Variants in SEMA3E observed in about 807,000 individuals in gnomAD.
SEMA3E encodes the protein semaphorin-3E.
In SEMA3E, 49 loss-of-function variants were observed where a neutral mutation model predicts 93.6. That is an observed-to-expected ratio of 0.52 (90% CI 0.42 to 0.66). SEMA3E has a LOEUF of 0.66. Among genes scored for constraint, SEMA3E ranks in the 30% least tolerant of loss-of-function variants. The pLI, the probability that SEMA3E is intolerant of heterozygous loss-of-function variation, is 0.00. For synonymous variants in SEMA3E, 363 were observed against 330.7 expected, an observed-to-expected ratio of 1.10 and a Z score of -1.06; for missense variants, 906 against 964.8, an observed-to-expected ratio of 0.94 and a Z score of 0.81.
At chr7:83,624,583 C>G (rs1220874958) in intron 1 of SEMA3E, among the ~76,000 whole-genome samples, 1 of 151,898 alleles carries the variant, frequency 6.6e-6, no homozygotes, top group Non-Finnish European at 1.5e-5. Flanking sequence ...TTTTTATTTT[C>G]TTGCAAATTT....
intron 1 of SEMA3E, among the ~76,000 whole-genome samples, chr7:83,551,169 G>GTA (rs1349950930): frequency 2.6e-5 from 4 of 151,922 alleles, no homozygotes; most frequent in Non-Finnish European, 5.9e-5. Context: ...TCACTTCTAA[G>GTA]TATACACACT....
At position 83,385,377 on chromosome 7, in the gene SEMA3E, T is replaced by G; in HGVS notation, c.1792A>C (p.Thr598Pro). ...HLAYGIENNS[T>P]LLECTPRSLQ... Reference sequence around the variant, plus strand: ...GATCGTGGGGTACATTCCAGCAAAGTACTGTTGTTCTCTATGCCATAAGCC... The same window carrying G: ...GATCGTGGGGTACATTCCAGCAAAGGACTGTTGTTCTCTATGCCATAAGCC... Residue 598 changes from threonine to proline, a missense_variant, in exon 16 of 17, where the codon ACT becomes CCT. Thr to Pro is a conservative substitution (Grantham distance 38, BLOSUM62 -1). Transcript: ENST00000643230. The G allele has an allele frequency of 1.2e-6, 2 of 1,613,600 alleles. No individual in the cohort carries two copies. Among genetic ancestry groups the G allele is most frequent in the Non-Finnish European group, 1.7e-6 (2 of 1,179,646 alleles).
At chr7:83,604,496 A>G (rs1793064265) in intron 1 of SEMA3E, among the ~76,000 whole-genome samples, 1 of 147,624 alleles carries the variant, frequency 6.8e-6, no homozygotes, top group Non-Finnish European at 1.5e-5. Flanking sequence ...ATTTTGACAC[A>G]TTTATGTGTG....
chr7:83,628,575 G>T (rs1793722448), intron 1 of SEMA3E, among the ~76,000 whole-genome samples: 1 of 149,958 alleles, frequency 6.7e-6, no homozygotes, highest in Non-Finnish European at 1.5e-5. Flanking sequence ...TGCTTGATTT[G>T]GCCATTGATA....
At chr7:83,395,911 A>G (rs780316249) in intron 12 of SEMA3E, among the ~76,000 whole-genome samples, 6 of 152,132 alleles carry the variant, frequency 3.9e-5, no homozygotes, top group Non-Finnish European at 5.9e-5. Context: ...TGATCTGTTG[A>G]TAATTACGTT....
intron 4 of SEMA3E, among the ~76,000 whole-genome samples, chr7:83,464,153 C>T (rs530004287): frequency 1.3e-5 from 2 of 152,052 alleles, no homozygotes; most frequent in East Asian, 2.0e-4. Flanking sequence ...TACGGTCCTC[C>T]GTCTTCAAGA....
intron 2 of SEMA3E, among the ~76,000 whole-genome samples, chr7:83,471,769 A>G (rs2713187): frequency 0.69 from 104,147 of 151,836 alleles, 37,202 homozygotes; most frequent in Non-Finnish European, 0.79. Context: ...CAGATCAAAA[A>G]TCCCATTTCA....
At chr7:83,619,390 C>CA (rs1353686909) in intron 1 of SEMA3E, among the ~76,000 whole-genome samples, 1 of 151,726 alleles carries the variant, frequency 6.6e-6, no homozygotes, top group African/African-American at 2.4e-5. Context: ...GAAACAAAAA[C>CA]AAAAAACATC....
At chr7:83,484,686 A>G (rs951043786) in intron 2 of SEMA3E, among the ~76,000 whole-genome samples, 1 of 152,096 alleles carries the variant, frequency 6.6e-6, no homozygotes, top group African/African-American at 2.4e-5. Flanking sequence ...TACCTCCACT[A>G]AGTTGTTTTA....
chr7:83,507,405 A>T (rs975800618), intron 1 of SEMA3E, among the ~76,000 whole-genome samples: 3 of 149,368 alleles, frequency 2.0e-5, no homozygotes, highest in African/African-American at 7.4e-5. Flanking sequence ...GCTGGGATTT[A>T]TCACTTCAAA....
intron 1 of SEMA3E, among the ~76,000 whole-genome samples, chr7:83,551,730 C>A (rs559147144): frequency 5.3e-5 from 8 of 152,116 alleles, no homozygotes; most frequent in Non-Finnish European, 1.0e-4. Context: ...CAATAATAAT[C>A]TTGGAGCAGA....
chr7:83,429,298 T>A (rs1290112817), intron 4 of SEMA3E, among the ~76,000 whole-genome samples: 1 of 152,218 alleles, frequency 6.6e-6, no homozygotes, highest in Non-Finnish European at 1.5e-5. Context: ...GGCAAAATTC[T>A]GTTTTCACTT....
chr7:83,582,564 T>C (rs1792536038), intron 1 of SEMA3E, among the ~76,000 whole-genome samples: 1 of 152,014 alleles, frequency 6.6e-6, no homozygotes, highest in African/African-American at 2.4e-5. Context: ...AAAGCTAAAA[T>C]CCCTGGGATA....
intron 1 of SEMA3E, among the ~76,000 whole-genome samples, chr7:83,524,096 A>C (rs1791105442): frequency 1.3e-5 from 2 of 152,126 alleles, no homozygotes; most frequent in African/African-American, 4.8e-5. Flanking sequence ...TACCTTAGTA[A>C]AAATAGAACA....
At chr7:83,558,779 T>C (rs1791970161) in intron 1 of SEMA3E, among the ~76,000 whole-genome samples, 1 of 152,082 alleles carries the variant, frequency 6.6e-6, no homozygotes, top group African/African-American at 2.4e-5. Flanking sequence ...TAAGTGTTAT[T>C]AGGAATAACT....
chr7:83,551,014 A>G (rs1489679262), intron 1 of SEMA3E, among the ~76,000 whole-genome samples: 2 of 152,154 alleles, frequency 1.3e-5, no homozygotes, highest in Non-Finnish European at 2.9e-5. Flanking sequence ...GAAAAAAATT[A>G]AAAATCAAAG....
chr7:83,593,311 TG>T (rs1792798293), intron 1 of SEMA3E, among the ~76,000 whole-genome samples: 2 of 126,868 alleles, frequency 1.6e-5, no homozygotes, highest in African/African-American at 7.4e-5. Context: ...TGTGTGTGTG[TG>T]TGTGTGTGTG....
intron 16 of SEMA3E, among the ~76,000 whole-genome samples, chr7:83,370,672 TATC>T (rs1794737863): frequency 6.6e-6 from 1 of 152,136 alleles, no homozygotes. Context: ...CTGAATTAAA[TATC>T]ATCTTCCCAA....
intron 12 of SEMA3E, 50 bp downstream of exon 12, chr7:83,396,588 A>G (rs1464770792): frequency 9.1e-7 from 1 of 1,094,260 alleles, no homozygotes; most frequent in Admixed American, 1.7e-5. Context: ...TTTACATCTC[A>G]CTTGTAGTTG....
Sources: allele counts gnomAD v4.1 joint callset (sites outside exome capture counted in the v4.1 genomes callset), GRCh38; gene constraint gnomAD v4.1.1; transcripts MANE v1.5; gene names NCBI Gene and HGNC (gene_info 2026-07-23, HGNC 2026-07-21).